Variants in ADGRV1 observed in about 807,000 individuals in gnomAD.
ADGRV1 encodes the protein adhesion G protein-coupled receptor V1, also known as G-protein coupled receptor 98.
A neutral mutation model predicts 596.2 loss-of-function variants in ADGRV1; 359 were observed. That is an observed-to-expected ratio of 0.60 (90% confidence interval 0.55 to 0.66). ADGRV1 has a LOEUF of 0.66. Ranked by LOEUF, ADGRV1 falls within the 30% of genes least tolerant of loss-of-function variation. The pLI is 0.00. For missense variants in ADGRV1, 7,274 were observed against 7,575.6 expected (o/e 0.96, Z 1.48); for synonymous variants, 2,681 against 2,679.2 (o/e 1.00, Z -0.02).
In ADGRV1 at chr5:90,816,644, G is replaced by C. The variant is rs1305013075; in HGVS notation, c.16196+908G>C. On this transcript the variant is annotated intron_variant, in intron 75 of 89. Coordinates refer to ENST00000405460, the MANE Select transcript of ADGRV1 (RefSeq NM_032119.4). ...TTCTCATTGTTCAGTTCCCACCTAT[G>C]AATGAGAACATGTGGTGTTTGGTTT... Among the ~76,000 whole-genome samples the C allele has an allele frequency of 3.4e-5, 5 of 147,440 alleles. No individual in the cohort carries two copies. In the East Asian group the frequency reaches 1.0e-3, roughly 29 times the overall value.
At chr5:91,143,687 C>G (rs375130298) in intron 87 of ADGRV1, among the ~76,000 whole-genome samples, 1 of 152,170 alleles carries the variant, frequency 6.6e-6, no homozygotes, top group African/African-American at 2.4e-5. Context: ...AGTTCCCACT[C>G]CAGTTTGCAG....
At chr5:90,590,236 CGAT>C in intron 1 of ADGRV1, among the ~76,000 whole-genome samples, 1 of 152,120 alleles carries the variant, frequency 6.6e-6, no homozygotes, top group East Asian at 1.9e-4. Context: ...AATTAATTTA[CGAT>C]GATTTCTCAC....
chr5:90,779,065 T>C lies in ADGRV1; in HGVS notation c.13050T>C (p.Ser4350=), dbSNP rs1467463309. ...ATCCTGAAGGCCCAGAGGAATTTTCTCTAACAATTACAAAGGTGGAACTCC... is the reference window on the plus strand; with the variant it reads ...ATCCTGAAGGCCCAGAGGAATTTTCCCTAACAATTACAAAGGTGGAACTCC... ...DDYPEGPEEF[S]LTITKVELQG... The change falls in exon 64 of 90, where the codon TCT becomes TCC. Residue 4350 remains serine (S), a synonymous_variant. Transcript: ENST00000405460. 2.5e-6 allele frequency: 4 copies of C among 1,612,378 alleles called. No homozygotes were observed. In the South Asian group the frequency reaches 4.4e-5, roughly 18 times the overall value.
At chr5:90,899,669 T>G (rs1561913561) in intron 83 of ADGRV1, among the ~76,000 whole-genome samples, 1 of 152,196 alleles carries the variant, frequency 6.6e-6, no homozygotes, top group Non-Finnish European at 1.5e-5. Flanking sequence ...CTACCTCTAA[T>G]TTTTATCCTT....
At chr5:90,777,168 G>T (rs1758333693) in intron 61 of ADGRV1, among the ~76,000 whole-genome samples, 1 of 152,144 alleles carries the variant, frequency 6.6e-6, no homozygotes, top group African/African-American at 2.4e-5. Flanking sequence ...GAGCTGACGT[G>T]TCCTACCTGG....
At chr5:90,716,117 C>T (rs1350823628) in intron 42 of ADGRV1, among the ~76,000 whole-genome samples, 2 of 152,122 alleles carry the variant, frequency 1.3e-5, no homozygotes, top group Non-Finnish European at 2.9e-5. Context: ...AGCCCTGGGA[C>T]ACTGTTAAAT....
intron 29 of ADGRV1, among the ~76,000 whole-genome samples, chr5:90,688,368 T>A (rs1330373913): frequency 6.6e-6 from 1 of 152,162 alleles, no homozygotes; most frequent in East Asian, 1.9e-4. Context: ...TTTGTTTTGT[T>A]TTGTTTTGAG....
At chr5:90,968,124 G>A (rs76146042) in intron 84 of ADGRV1, among the ~76,000 whole-genome samples, 172 of 152,232 alleles carry the variant, frequency 1.1e-3, no homozygotes, top group Middle Eastern at 3.4e-3. Context: ...TACAAATACC[G>A]GAAGGGCTAC....
At chr5:91,109,379 CATG>C (rs1174829089) in intron 87 of ADGRV1, among the ~76,000 whole-genome samples, 34 of 152,282 alleles carry the variant, frequency 2.2e-4, no homozygotes, top group African/African-American at 7.7e-4. Flanking sequence ...TGAGCATGAT[CATG>C]ATAATTGTGT....
At chr5:90,942,202 G>C (rs1452502120) in intron 83 of ADGRV1, among the ~76,000 whole-genome samples, 2 of 152,198 alleles carry the variant, frequency 1.3e-5, no homozygotes, top group African/African-American at 4.8e-5. Context: ...ATGATAGCAA[G>C]TGAGTTTATG....
At chr5:91,007,848 CACT>C (rs1452733998) in intron 85 of ADGRV1, among the ~76,000 whole-genome samples, 4 of 152,154 alleles carry the variant, frequency 2.6e-5, no homozygotes, top group African/African-American at 7.2e-5. Context: ...ATCTGAGAAA[CACT>C]GCTGTGTACA....
At chr5:91,024,897 A>C (rs1783900867) in intron 85 of ADGRV1, among the ~76,000 whole-genome samples, 1 of 152,136 alleles carries the variant, frequency 6.6e-6, no homozygotes, top group African/African-American at 2.4e-5. Flanking sequence ...AAAAGCATCA[A>C]ATTGCGCAGA....
Position 90,816,628 on chromosome 5 carries a change from T to G in ADGRV1, c.16196+892T>G, listed in dbSNP as rs1762925199. Among the ~76,000 whole-genome samples, 3 of 149,528 alleles carry G rather than the reference T, an allele frequency of 2.0e-5. No homozygotes were observed. The South Asian group carries it at 6.5e-4, about 33-fold the overall frequency. Reference sequence around the variant, plus strand: ...TTCCTGTGTCCATGTGTTCTCATTGTTCAGTTCCCACCTATGAATGAGAAC... The same window carrying G: ...TTCCTGTGTCCATGTGTTCTCATTGGTCAGTTCCCACCTATGAATGAGAAC... On this transcript the variant is annotated intron_variant, in intron 75 of 89. Transcript: ENST00000405460.
rs117034408 is a variant in ADGRV1 at position 91,078,871 on chromosome 5, T to C, written c.18310+6267T>C. On this transcript the variant is annotated intron_variant, in intron 86 of 89. Coordinates refer to ENST00000405460, the MANE Select transcript of ADGRV1 (RefSeq NM_032119.4). Reference sequence around the variant, plus strand: ...TATTTTAAGTCACTAAGTTTGGTGCTAGCTTATTTGAAGCAGTCAGTAGCT... The same window carrying C: ...TATTTTAAGTCACTAAGTTTGGTGCCAGCTTATTTGAAGCAGTCAGTAGCT... Among the ~76,000 whole-genome samples, 29 of 152,354 alleles carry C rather than the reference T, an allele frequency of 1.9e-4. No individual in the cohort carries two copies. The East Asian group carries it at 5.4e-3, about 28-fold the overall frequency.
rs139417841 is a variant in ADGRV1, at chr5:91,013,568, C to T, written c.18152+28046C>T. Among the ~76,000 whole-genome samples the T allele has an allele frequency of 8.3e-3, 1,259 of 151,814 alleles. 9 individuals carry two copies. Among genetic ancestry groups the T allele is most frequent in the Non-Finnish European group, 0.011 (771 of 67,822 alleles). ...ATTTTTTAGTGGGGTTGTTTGCTTT[C>T]CTCTTGTAAATTTAAGTTCCTCATA... On this transcript the variant is annotated intron_variant, in intron 85 of 89. Coordinates refer to ENST00000405460, the MANE Select transcript of ADGRV1 (RefSeq NM_032119.4).
At position 90,716,493 on chromosome 5, in the gene ADGRV1, G is replaced by C; in HGVS notation, c.9211G>C (p.Asp3071His). The C allele has an allele frequency of 1.9e-6, 3 of 1,593,828 alleles. No homozygotes were observed. Among genetic ancestry groups the C allele is most frequent in the Non-Finnish European group, 2.6e-6 (3 of 1,168,620 alleles). Residue 3071 changes from aspartate to histidine, a missense_variant, in exon 43 of 90, where the codon GAC (aspartate) becomes CAC (histidine). Physicochemically the swap from Asp to His is moderately conservative, Grantham distance 81. This residue lies in a region of ADGRV1 where 3,643 missense variants were observed against 3,809.2 expected (regional missense o/e 0.96). Coordinates refer to ENST00000405460, the MANE Select transcript of ADGRV1 (RefSeq NM_032119.4). Reference sequence around the variant, plus strand: ...CTTAATTATTGTCCTTGCTAATGATGACGGCCCTGGAGTTCTATCATTTAA... The same window carrying C: ...CTTAATTATTGTCCTTGCTAATGATCACGGCCCTGGAGTTCTATCATTTAA... ...IALIIVLANDDGPGVLSFNNS... is the reference protein window; with the variant it reads ...IALIIVLANDHGPGVLSFNNS...
At chr5:91,014,175 C>CACACACACA (rs56200811) in intron 85 of ADGRV1, among the ~76,000 whole-genome samples, 4 of 143,604 alleles carry the variant, frequency 2.8e-5, no homozygotes, top group Non-Finnish European at 4.5e-5. Flanking sequence ...CACACACACA[C>CACACACACA]CCCTAGACAT....
At chr5:90,714,084 G>A (rs557832775) in intron 42 of ADGRV1, among the ~76,000 whole-genome samples, 9 of 152,222 alleles carry the variant, frequency 5.9e-5, no homozygotes, top group East Asian at 5.8e-4. Context: ...GGACTCATCC[G>A]TTGCCTTCTT....
At chr5:90,593,771 TC>T (rs1349974721) in intron 1 of ADGRV1, among the ~76,000 whole-genome samples, 1 of 152,012 alleles carries the variant, frequency 6.6e-6, no homozygotes, top group Non-Finnish European at 1.5e-5. Flanking sequence ...AGAAAAAAAA[TC>T]TTTTATCATT....
Sources: gnomAD v4.1 joint callset for allele counts (sites outside exome capture counted in the v4.1 genomes callset) on GRCh38, gnomAD v4.1.1 for gene constraint, gnomAD v4.1.1 regional missense constraint, MANE v1.5 for transcripts, NCBI Gene and HGNC (gene_info 2026-07-23, HGNC 2026-07-21) for gene names.